CNTN4: variants seen among roughly 807,000 people sequenced by gnomAD.
CNTN4 encodes the protein contactin-4.
Under a neutral mutation model 122.5 loss-of-function variants are expected in CNTN4, and 77 were observed. The observed-to-expected ratio is 0.63, with a 90% confidence interval of 0.52 to 0.76. The LOEUF is 0.76. Among genes scored for constraint, CNTN4 ranks in the 30% least tolerant of loss-of-function variants. The pLI is 0.00. For missense variants in CNTN4, 1,256 were observed against 1,259.1 expected, an observed-to-expected ratio of 1.00 and a Z score of 0.04; for synonymous variants, 512 against 447.0, an observed-to-expected ratio of 1.15 and a Z score of -1.83.
At chr3:2,354,474 T>A (rs1245613158) in intron 3 of CNTN4, among the ~76,000 whole-genome samples, 1 of 152,150 alleles carries the variant, frequency 6.6e-6, no homozygotes, top group Admixed American at 6.5e-5. Context: ...GAGGTTACCG[T>A]GAGCCCAGAT....
At position 2,342,882 on chromosome 3, in the gene CNTN4, T is replaced by A. The variant is rs148335026; in HGVS notation, c.-89+3649T>A. 6.8e-4 allele frequency among the ~76,000 whole-genome samples: 104 copies of A among 152,218 alleles called. 1 individual carries two copies. The Middle Eastern group carries it at 0.031, about 45-fold the overall frequency. ...AAGAAATACCTAGAATAGGCAAAAC[T>A]ATAGAGACAGAAAGTAGATTAATAG... On this transcript the variant is annotated intron_variant, in intron 3 of 24. Transcript: ENST00000418658.
chr3:2,830,078 C>A (rs910459875), intron 7 of CNTN4, among the ~76,000 whole-genome samples: 13 of 152,204 alleles, frequency 8.5e-5, no homozygotes, highest in East Asian at 1.9e-4. Flanking sequence ...TCAGGAAATT[C>A]TTTTTCTGTC....
intron 7 of CNTN4, among the ~76,000 whole-genome samples, chr3:2,853,460 G>T (rs2093580916): frequency 6.6e-6 from 1 of 152,148 alleles, no homozygotes; most frequent in African/African-American, 2.4e-5. Context: ...GGCCAGGCTG[G>T]TCTTGAACTC....
chr3:2,393,020 C>A lies in CNTN4; in HGVS notation c.-89+53787C>A, dbSNP rs188661078. On this transcript the variant is annotated intron_variant, in intron 3 of 24. Coordinates refer to ENST00000418658, the MANE Select transcript of CNTN4 (RefSeq NM_175607.3). ...AACAGAAATTTATCGTCTTACATTT[C>A]TGGATGTTAGAAGGCCAAAATCCAA... Among the ~76,000 whole-genome samples the A allele has an allele frequency of 4.9e-4, 75 of 152,246 alleles. 1 individual carries two copies. In the East Asian group the frequency reaches 0.013, roughly 27 times the overall value.
intron 13 of CNTN4, 140 bp from the exon 14 acceptor site, chr3:2,988,205 T>G (rs2125282872): frequency 1.3e-6 from 1 of 777,126 alleles, no homozygotes; most frequent in East Asian, 2.6e-5. Flanking sequence ...ATACCCTAAA[T>G]AAAGATGAGG....
At chr3:3,037,509 T>C (rs758097989) in intron 18 of CNTN4, 181 bp downstream of exon 18, 2 of 794,326 alleles carry the variant, frequency 2.5e-6, no homozygotes, top group Non-Finnish European at 4.2e-6. Flanking sequence ...GCAACGGGTT[T>C]CAATCAAGAG....
chr3:2,330,463 A>G (rs1036310504), intron 2 of CNTN4, among the ~76,000 whole-genome samples: 1 of 152,126 alleles, frequency 6.6e-6, no homozygotes, highest in Non-Finnish European at 1.5e-5. Context: ...TTACCCTTCT[A>G]AAAGACTTAT....
intron 4 of CNTN4, among the ~76,000 whole-genome samples, chr3:2,700,245 A>G (rs1437972379): frequency 6.6e-6 from 1 of 152,212 alleles, no homozygotes; most frequent in African/African-American, 2.4e-5. Flanking sequence ...ACCTTATGAG[A>G]TCATCATGTC....
intron 6 of CNTN4, among the ~76,000 whole-genome samples, chr3:2,804,634 A>G (rs1002808922): frequency 2.0e-5 from 3 of 152,190 alleles, no homozygotes; most frequent in African/African-American, 7.2e-5. Context: ...TAAGCAAGGA[A>G]GGTGTGAGCA....
rs115708359 is a variant in CNTN4, at chr3:2,633,494, T to C, written c.55+61936T>C. 4.5e-3 allele frequency among the ~76,000 whole-genome samples: 690 copies of C among 152,344 alleles called. 7 individuals are homozygous for C. The highest frequency in any genetic ancestry group is 0.016 in the African/African-American group (667 of 41,586). On this transcript the variant is annotated intron_variant, in intron 4 of 24. Coordinates refer to ENST00000418658, the MANE Select transcript of CNTN4 (RefSeq NM_175607.3). ...GGTGGACTTTGGGTCCATAAACACA[T>C]AGGCTTCTCACGTTTATACAGAAAG...
At chr3:2,232,423 T>C (rs1316760940) in intron 2 of CNTN4, among the ~76,000 whole-genome samples, 1 of 152,166 alleles carries the variant, frequency 6.6e-6, no homozygotes, top group African/African-American at 2.4e-5. Context: ...TGAGAACAAC[T>C]GTTAAGATTT....
At chr3:2,907,786 G>C (rs1475059040) in intron 12 of CNTN4, among the ~76,000 whole-genome samples, 1 of 151,988 alleles carries the variant, frequency 6.6e-6, no homozygotes, top group Non-Finnish European at 1.5e-5. Flanking sequence ...GTTCTGTCTT[G>C]GTATTTAATG....
intron 6 of CNTN4, among the ~76,000 whole-genome samples, chr3:2,762,600 G>A (rs1010057296): frequency 1.3e-4 from 20 of 152,026 alleles, no homozygotes; most frequent in African/African-American, 4.6e-4. Context: ...GGTTGATTCC[G>A]TGTCTTTGCT....
intron 3 of CNTN4, among the ~76,000 whole-genome samples, chr3:2,479,397 A>T (rs891777186): frequency 6.6e-6 from 1 of 152,226 alleles, no homozygotes; most frequent in African/African-American, 2.4e-5. Context: ...CCAGCCTGCG[A>T]ATGTAACAAA....
chr3:2,569,908 C>G (rs73110620), intron 3 of CNTN4, among the ~76,000 whole-genome samples: 1,630 of 152,162 alleles, frequency 0.011, 22 homozygotes, highest in African/African-American at 0.037. Context: ...ATATGAAATT[C>G]TCAGTAACAG....
At chr3:2,957,173 A>T (rs2094808342) in intron 13 of CNTN4, among the ~76,000 whole-genome samples, 1 of 151,942 alleles carries the variant, frequency 6.6e-6, no homozygotes, top group Non-Finnish European at 1.5e-5. Context: ...TTGCTGGATT[A>T]TATGGTAGTT....
chr3:2,876,135 G>A (rs554664504), intron 8 of CNTN4, among the ~76,000 whole-genome samples: 11 of 152,318 alleles, frequency 7.2e-5, no homozygotes, highest in Admixed American at 5.9e-4. Flanking sequence ...GACTGTAAGA[G>A]GTGATGTGAC....
At chr3:2,855,018 T>A (rs971467101) in intron 7 of CNTN4, among the ~76,000 whole-genome samples, 1 of 152,248 alleles carries the variant, frequency 6.6e-6, no homozygotes, top group South Asian at 2.1e-4. Context: ...TATATTTAAG[T>A]GCTGATGGTA....
At chr3:2,807,721 C>A (rs767736943) in intron 6 of CNTN4, among the ~76,000 whole-genome samples, 1 of 101,054 alleles carries the variant, frequency 9.9e-6, no homozygotes, top group Non-Finnish European at 2.1e-5. Flanking sequence ...TTTAATGAGT[C>A]CAGCAATCCC....
Sources: gnomAD v4.1 joint callset for allele counts (sites outside exome capture counted in the v4.1 genomes callset) on GRCh38, gnomAD v4.1.1 for gene constraint, MANE v1.5 for transcripts, NCBI Gene and HGNC (gene_info 2026-07-23, HGNC 2026-07-21) for gene names.